UVRAG: variants seen among roughly 807,000 people sequenced by gnomAD.
UVRAG encodes UV radiation resistance associated, also known as UV radiation resistance-associated gene protein.
In UVRAG, 19 loss-of-function variants were observed where a neutral mutation model predicts 78.0. The ratio of observed to expected loss-of-function variants is 0.24; its 90% CI spans 0.17 to 0.36. The LOEUF is 0.36. Among genes scored for constraint, UVRAG ranks in the 10% least tolerant of loss-of-function variants. The probability of loss-of-function intolerance (pLI) is 1.00; values close to 1 mark genes in which losing one functional copy is unlikely to be tolerated. For synonymous variants in UVRAG, 323 were observed against 324.6 expected, an observed-to-expected ratio of 1.00 and a Z score of 0.05; for missense variants, 740 against 853.8, an observed-to-expected ratio of 0.87 and a Z score of 1.66.
At chr11:75,988,487 A>G (rs923569556) in intron 8 of UVRAG, among the ~76,000 whole-genome samples, 1 of 152,358 alleles carries the variant, frequency 6.6e-6, no homozygotes, top group East Asian at 1.9e-4. Flanking sequence ...TGTACATACA[A>G]CTTGTTTATA....
chr11:75,849,316 T>C (rs1211103935), intron 1 of UVRAG, among the ~76,000 whole-genome samples: 5 of 151,878 alleles, frequency 3.3e-5, no homozygotes, highest in Non-Finnish European at 5.9e-5. Context: ...CCATCCTGGC[T>C]AACACAGTGA....
intron 12 of UVRAG, among the ~76,000 whole-genome samples, chr11:76,031,873 G>A (rs765917051): frequency 6.6e-6 from 1 of 152,150 alleles, no homozygotes; most frequent in Non-Finnish European, 1.5e-5. Flanking sequence ...TGGACTATTT[G>A]CAGTCCATTA....
intron 14 of UVRAG, among the ~76,000 whole-genome samples, chr11:76,125,631 C>T (rs1339687459): frequency 1.3e-5 from 2 of 152,214 alleles, no homozygotes; most frequent in African/African-American, 4.8e-5. Context: ...CCCGGCGCCG[C>T]CTCTCCCCTA....
intron 13 of UVRAG, among the ~76,000 whole-genome samples, chr11:76,066,413 G>T (rs954676983): frequency 2.6e-5 from 4 of 152,130 alleles, no homozygotes; most frequent in African/African-American, 9.7e-5. Flanking sequence ...ACTTCAAGAT[G>T]TAGGCATTCC....
chr11:76,141,540 A>G lies in UVRAG; in HGVS notation c.*127A>G, dbSNP rs1212020100. On this transcript the variant is annotated 3_prime_UTR_variant, in exon 15 of 15. Transcript: ENST00000356136. ...AATGGAGGATATTCCTCGGAAAAAC[A>G]GACTTTGGGAATGAAGGAGGGACTC... 1.0e-6 allele frequency: 1 copy of G among 991,092 alleles called. No homozygotes were observed. Among genetic ancestry groups the G allele is most frequent in the Non-Finnish European group, 1.4e-6 (1 of 692,096 alleles). The allele number at this position is 991,092 out of a possible 1,614,324, so 61.4% of individuals were successfully genotyped here. A position where few individuals can be genotyped will look rare whatever the true frequency, so the allele number is the denominator to read the frequency against.
At chr11:75,838,270 C>CT (rs1945828924) in intron 1 of UVRAG, among the ~76,000 whole-genome samples, 1 of 152,164 alleles carries the variant, frequency 6.6e-6, no homozygotes, top group Middle Eastern at 3.2e-3. Context: ...AAGCAACACT[C>CT]TATTACTTAC....
intron 1 of UVRAG, among the ~76,000 whole-genome samples, chr11:75,834,306 T>G (rs996546141): frequency 2.0e-5 from 3 of 152,182 alleles, no homozygotes; most frequent in African/African-American, 7.2e-5. Context: ...TGTTTCCTCA[T>G]GATTAGATTC....
At chr11:75,907,809 G>T (rs903634064) in intron 5 of UVRAG, among the ~76,000 whole-genome samples, 3 of 151,922 alleles carry the variant, frequency 2.0e-5, no homozygotes, top group Admixed American at 2.0e-4. Context: ...TATTACAGGT[G>T]CCTAGCCTGA....
intron 1 of UVRAG, among the ~76,000 whole-genome samples, chr11:75,817,512 T>C (rs947909965): frequency 5.3e-5 from 8 of 152,164 alleles, no homozygotes; most frequent in Admixed American, 1.3e-4. Flanking sequence ...TACATCTTTC[T>C]GGGGGTGTCA....
chr11:76,052,820 C>T (rs1950895110), intron 12 of UVRAG, among the ~76,000 whole-genome samples: 1 of 152,094 alleles, frequency 6.6e-6, no homozygotes, highest in African/African-American at 2.4e-5. Flanking sequence ...TAGGCCATCT[C>T]ATTCATACCT....
intron 5 of UVRAG, among the ~76,000 whole-genome samples, chr11:75,899,851 CAA>C (rs1947448381): frequency 6.6e-6 from 1 of 152,228 alleles, no homozygotes; most frequent in African/African-American, 2.4e-5. Context: ...CTGAAGTCCA[CAA>C]AAGTTCCACA....
intron 6 of UVRAG, among the ~76,000 whole-genome samples, chr11:75,913,009 G>A (rs961939687): frequency 6.6e-6 from 1 of 152,206 alleles, no homozygotes; most frequent in Admixed American, 6.5e-5. Context: ...CTTAGGATAT[G>A]TAGCAGAACA....
At chr11:75,977,504 C>CTA (rs560963116) in intron 7 of UVRAG, among the ~76,000 whole-genome samples, 414 of 152,290 alleles carry the variant, frequency 2.7e-3, no homozygotes, top group Non-Finnish European at 4.8e-3. Context: ...GTGTGGGACT[C>CTA]TAAGTCTCTT....
chr11:75,840,848 G>C (rs971538909), intron 1 of UVRAG, among the ~76,000 whole-genome samples: 5 of 152,194 alleles, frequency 3.3e-5, no homozygotes, highest in African/African-American at 1.2e-4. Context: ...GAGGCTTTCA[G>C]GTTGGATCAA....
At chr11:75,915,652 A>G (rs60331805) in intron 6 of UVRAG, among the ~76,000 whole-genome samples, 4,883 of 152,320 alleles carry the variant, frequency 0.032, 266 homozygotes, top group African/African-American at 0.11. Flanking sequence ...GCAATGTTGT[A>G]AATTATAAAT....
chr11:76,081,666 G>T (rs369093611), intron 13 of UVRAG, among the ~76,000 whole-genome samples: 2 of 151,574 alleles, frequency 1.3e-5, no homozygotes, highest in East Asian at 3.9e-4. Flanking sequence ...ATAATAAACC[G>T]GTTACTCTTA....
At chr11:76,139,755 C>T (rs1380579787) in intron 14 of UVRAG, among the ~76,000 whole-genome samples, 1 of 152,070 alleles carries the variant, frequency 6.6e-6, no homozygotes, top group Non-Finnish European at 1.5e-5. Flanking sequence ...TTATTTCAGA[C>T]TTTACCCTGC....
chr11:75,943,395 G>A (rs1355832593), intron 6 of UVRAG, among the ~76,000 whole-genome samples: 2 of 147,144 alleles, frequency 1.4e-5, no homozygotes, highest in African/African-American at 2.5e-5. Flanking sequence ...AGTTTGTTTT[G>A]TTTATTGTTT....
At chr11:76,008,441 A>C (rs946204586) in intron 10 of UVRAG, among the ~76,000 whole-genome samples, 1 of 152,216 alleles carries the variant, frequency 6.6e-6, no homozygotes, top group African/African-American at 2.4e-5. Flanking sequence ...TTTTCTTTTT[A>C]ATGAAAATTT....
Sources: allele counts gnomAD v4.1 joint callset (sites outside exome capture counted in the v4.1 genomes callset), GRCh38; gene constraint gnomAD v4.1.1; transcripts MANE v1.5; gene names NCBI Gene and HGNC (gene_info 2026-07-23, HGNC 2026-07-21).